Variants in PCSK4 observed in about 807,000 individuals in gnomAD.
The protein encoded by PCSK4 is testicular tissue protein Li 135.
A neutral mutation model predicts 80.3 loss-of-function variants in PCSK4; 64 were observed. The observed-to-expected ratio is 0.80, with a 90% confidence interval of 0.65 to 0.98. The LOEUF (loss-of-function observed/expected upper bound fraction) is 0.98. PCSK4 is among the 50% of genes least tolerant of loss of function. The pLI, the probability that PCSK4 is intolerant of heterozygous loss-of-function variation, is 0.00. For missense variants in PCSK4, 1,213 were observed against 1,093.6 expected (o/e 1.11, Z -1.54); for synonymous variants, 561 against 487.6 (o/e 1.15, Z -1.98).
rs375670143 is a variant in PCSK4 at position 1,484,141 on chromosome 19, G to C, written c.1069-14C>G. On this transcript the variant is annotated splice_polypyrimidine_tract_variant and intron_variant, in intron 8 of 14. Coordinates refer to ENST00000300954, the Ensembl canonical transcript of PCSK4. ...GTCCGTGGTGACCTGAGGGCAGAGG[G>C]GGGTGGGACTCGGGGGGCCGTGCAC... is the stretch of plus-strand genomic sequence containing the variant. 154 of 1,484,492 alleles carry C rather than the reference G, an allele frequency of 1.0e-4. No individual in the cohort carries two copies. Among genetic ancestry groups the C allele is most frequent in the Middle Eastern group, 1.8e-4 (1 of 5,550 alleles). 92.0% of individuals were successfully genotyped at this position (1,484,492 alleles called of 1,614,324 possible).
intron 2 of PCSK4, among the ~76,000 whole-genome samples, chr19:1,489,204 T>G (rs1054888312): frequency 3.4e-5 from 5 of 148,840 alleles, no homozygotes; most frequent in African/African-American, 1.3e-4. Flanking sequence ...CGATCTCGGC[T>G]CACTGCAAGC....
intron 2 of PCSK4, among the ~76,000 whole-genome samples, chr19:1,489,130 CT>C (rs996269474): frequency 1.3e-3 from 172 of 128,832 alleles, no homozygotes; most frequent in Middle Eastern, 4.1e-3. Context: ...AAGCCTCCTA[CT>C]TTTTTTTTTT....
At chr19:1,487,621 A>T in exon 6 of PCSK4, 1 of 1,552,636 alleles carries the variant, frequency 6.4e-7, no homozygotes, top group East Asian at 2.4e-5. Flanking sequence ...CGGGCGTTGA[A>T]AGCGACCCCC....
At chr19:1,483,892 T>G (rs1386822150) in exon 10 of PCSK4, 8 of 1,491,896 alleles carry the variant, frequency 5.4e-6, no homozygotes, top group Non-Finnish European at 7.1e-6. Context: ...TGCGCCGGCT[T>G]GGACGCGCGG....
exon 8 of PCSK4, chr19:1,487,038 T>A (rs746323201): frequency 5.6e-6 from 9 of 1,607,374 alleles, no homozygotes; most frequent in Non-Finnish European, 5.9e-6. Flanking sequence ...GAGGCCCAGA[T>A]GAAGAGCGTG....
chr19:1,481,973 C>G (rs1490404340), exon 15 of PCSK4: 18 of 1,595,898 alleles, frequency 1.1e-5, no homozygotes, highest in Admixed American at 1.7e-5. Flanking sequence ...GGTGGTGGGT[C>G]CCATGCAGGA....
At position 1,487,983 on chromosome 19, in the gene PCSK4, G is replaced by C. The variant is rs141119354; in HGVS notation, c.497C>G (p.Pro166Arg). 8.7e-6 allele frequency: 14 copies of C among 1,612,802 alleles called. No individual in the cohort carries two copies. The Admixed American group carries it at 2.3e-4, about 27-fold the overall frequency. ...TCTCACGTAGTTGGCCCAGAGGTCC[G>C]GGTGGTCCTTCTCGATGCCATCGTC... Residue 166 changes from proline (P) to arginine (R), a missense_variant, in exon 4 of 15, where the codon CCG becomes CGG. Coordinates refer to ENST00000300954, the Ensembl canonical transcript of PCSK4.
At chr19:1,489,762 G>C (rs2084839446) in intron 2 of PCSK4, 31 bp downstream of exon 2, 1 of 1,585,720 alleles carries the variant, frequency 6.3e-7, no homozygotes, top group Admixed American at 1.8e-5. Context: ...TGAGACCCCG[G>C]GCAGGGGGTT....
intron 6 of PCSK4, 103 bp from the exon 7 acceptor site, chr19:1,487,416 C>A: frequency 9.4e-7 from 1 of 1,069,290 alleles, no homozygotes; most frequent in South Asian, 1.5e-5. Flanking sequence ...CTACCTGGGC[C>A]CTCTCTCTGC....
chr19:1,483,052 G>A (rs1165863849), intron 12 of PCSK4, 32 bp from the exon 13 acceptor site: 6 of 1,489,126 alleles, frequency 4.0e-6, no homozygotes, highest in African/African-American at 1.4e-5. Context: ...GGGTGGGGGT[G>A]TCAAGAGGGA....
upstream of PCSK4, chr19:1,490,491 AG>A: frequency 1.9e-6 from 1 of 522,952 alleles, no homozygotes; most frequent in Non-Finnish European, 3.4e-6. Flanking sequence ...CTCAGCCAGG[AG>A]GGGCGCGAAG....
exon 15 of PCSK4, chr19:1,482,015 G>A (rs776591195): frequency 1.3e-6 from 2 of 1,579,684 alleles, no homozygotes; most frequent in South Asian, 2.3e-5. Context: ...GGAGGATGGG[G>A]GACAGGAGGT....
intron 12 of PCSK4, 131 bp from the exon 13 acceptor site, chr19:1,483,151 C>T: frequency 8.0e-7 from 1 of 1,249,690 alleles, no homozygotes; most frequent in South Asian, 1.5e-5. Context: ...GAGGGTGTGA[C>T]TCGGGGTCCC....
chr19:1,483,505 G>C (rs1229553446), intron 11 of PCSK4, 42 bp from the exon 12 acceptor site: 1 of 1,458,312 alleles, frequency 6.9e-7, no homozygotes, highest in African/African-American at 1.4e-5. Flanking sequence ...CGGCCTGCTG[G>C]GGGGTGGGTG....
In PCSK4 at chr19:1,490,233, C is replaced by G. The variant is rs2084875089; in HGVS notation, c.114G>C (p.Trp38Cys). ...GGTTACCCTGGGACACCTGGACGGC[C>G]CAGCTGCTGACATAGATGGGGGCTC... The change falls in exon 1 of 15, where the codon TGG (tryptophan) becomes TGC (cysteine). Residue 38 changes from tryptophan to cysteine, a missense_variant. Coordinates refer to ENST00000300954, the Ensembl canonical transcript of PCSK4. The G allele has an allele frequency of 6.2e-7, 1 of 1,612,948 alleles. No homozygotes were observed. Among genetic ancestry groups the G allele is most frequent in the Admixed American group, 1.7e-5 (1 of 59,990 alleles).
exon 2 of PCSK4, chr19:1,489,862 G>T: frequency 6.2e-7 from 1 of 1,610,396 alleles, no homozygotes. Context: ...CCACGCCCCG[G>T]TGCCGCAGGT....
chr19:1,483,981 C>A (rs1026773006), intron 9 of PCSK4, 40 bp from the exon 10 acceptor site: 5 of 1,470,512 alleles, frequency 3.4e-6, no homozygotes, highest in Admixed American at 2.2e-5. Flanking sequence ...GCCGCCGGGC[C>A]GCGCCTGGGG....
At position 1,483,365 on chromosome 19, in the gene PCSK4, G is replaced by C. The variant is rs367578201; in HGVS notation, c.1490C>G (p.Thr497Arg). 1.7e-4 allele frequency: 281 copies of C among 1,608,794 alleles called. No homozygotes were observed. Among genetic ancestry groups the C allele is most frequent in the Non-Finnish European group, 2.3e-4 (268 of 1,179,666 alleles). ...GTCTCCGCGCCGGCTGTAGGACAGC[G>C]TCAGCTGCGCCTGCACGTGCTCCAG... The change falls in exon 12 of 15, where the codon ACG becomes AGG. Residue 497 changes from threonine to arginine, a missense_variant. Thr to Arg is a moderately conservative substitution (Grantham distance 71, BLOSUM62 -1). Coordinates refer to ENST00000300954, the Ensembl canonical transcript of PCSK4.
chr19:1,483,602 C>G lies in PCSK4; in HGVS notation c.1391+48G>C, dbSNP rs376394529. On this transcript the variant is annotated intron_variant, in intron 11 of 14. Transcript: ENST00000300954. ...GGGTAAACTGAGGCCTCAGGCCTGT[C>G]CCCCACACCCCCAGCGGGGATAGCG... 1.9e-5 allele frequency: 28 copies of G among 1,488,188 alleles called. No homozygotes were observed. The East Asian group carries it at 6.0e-4, about 32-fold the overall frequency. The allele number at this position is 1,488,188 out of a possible 1,614,324, so 92.2% of individuals were successfully genotyped here. A position where few individuals can be genotyped will look rare whatever the true frequency, so the allele number is the denominator to read the frequency against.
Sources: allele counts gnomAD v4.1 joint callset (sites outside exome capture counted in the v4.1 genomes callset), GRCh38; gene constraint gnomAD v4.1.1; transcripts MANE v1.5; gene names NCBI Gene and HGNC (gene_info 2026-07-23, HGNC 2026-07-21).